The following ACTC1 variants were observed in gnomAD, a reference collection of about 807,000 sequenced individuals.
The protein encoded by ACTC1 is actin, alpha cardiac muscle 1.
A neutral mutation model predicts 31.6 loss-of-function variants in ACTC1; 10 were observed. That is an observed-to-expected ratio of 0.32 (90% CI 0.19 to 0.54). The LOEUF is 0.54. Among genes scored for constraint, ACTC1 ranks in the 20% least tolerant of loss-of-function variants. ACTC1 has a pLI of 0.95. For synonymous variants in ACTC1, 196 were observed against 185.0 expected, an observed-to-expected ratio of 1.06 and a Z score of -0.48; for missense variants, 129 against 506.4, an observed-to-expected ratio of 0.25 and a Z score of 7.15.
intron 6 of ACTC1, 44 bp from the exon 7 acceptor site, chr15:34,790,599 A>G: frequency 6.2e-7 from 1 of 1,611,494 alleles, no homozygotes; most frequent in Non-Finnish European, 8.5e-7. Flanking sequence ...CTGAAGTTCC[A>G]AGCAAGGGAG....
chr15:34,791,715 A>G (rs1271786214), intron 5 of ACTC1: 1 of 349,918 alleles, frequency 2.9e-6, no homozygotes, highest in Non-Finnish European at 5.3e-6. Context: ...GTGCCCAGTT[A>G]TTAATATGAG....
intron 2 of ACTC1, 121 bp downstream of exon 2, chr15:34,794,559 C>T (rs993650153): frequency 7.3e-7 from 1 of 1,372,150 alleles, no homozygotes; most frequent in African/African-American, 1.5e-5. Flanking sequence ...TGAAGTCAAT[C>T]AGCCTTCTCT....
Position 34,793,126 on chromosome 15 carries a change from C to G in ACTC1, c.454+119G>C. 1 of 1,051,664 alleles carries G rather than the reference C, an allele frequency of 9.5e-7. No homozygotes were observed. The highest frequency in any genetic ancestry group is 1.5e-5 in the South Asian group (1 of 68,138). 65.1% of individuals were successfully genotyped at this position (1,051,664 alleles called of 1,614,324 possible). A position where few individuals can be genotyped will look rare whatever the true frequency, so the allele number is the denominator to read the frequency against. On this transcript the variant is annotated intron_variant, in intron 3 of 6. Transcript: ENST00000290378. The surrounding 1 kb of genome is among the most constrained non-coding windows in gnomAD (Gnocchi z 4.8). ...GTTAACTCTTTCTCTTAGCACAGACCTTGCTAGGGAATGGGAGGAAAGGGA... is the reference window on the plus strand; with the variant it reads ...GTTAACTCTTTCTCTTAGCACAGACGTTGCTAGGGAATGGGAGGAAAGGGA...
rs149007948 is a variant in ACTC1 at position 34,793,978 on chromosome 15, G to A, written c.130-409C>T. Among the ~76,000 whole-genome samples, 1 of 152,338 alleles carries A rather than the reference G, an allele frequency of 6.6e-6. No individual in the cohort carries two copies. Among genetic ancestry groups the A allele is most frequent in the African/African-American group, 2.4e-5 (1 of 41,562 alleles). On this transcript the variant is annotated intron_variant, in intron 2 of 6. Transcript: ENST00000290378. The surrounding 1 kb of genome is among the most constrained non-coding windows in gnomAD (Gnocchi z 4.8). ...CTAAGAAAAAGATTTTGACATTCAA[G>A]TGAACACATAATGATGGGCTGATAT...
In ACTC1 at chr15:34,791,138, C is replaced by T; in HGVS notation, c.966G>A (p.Leu322=). 1 of 1,607,096 alleles carries T rather than the reference C, an allele frequency of 6.2e-7. No individual in the cohort carries two copies. Among genetic ancestry groups the T allele is most frequent in the Non-Finnish European group, 8.5e-7 (1 of 1,174,402 alleles). The part of the protein sequence containing the change: ...ADRMQKEITA[L]APSTMKIKII... ...CCTTAATCTTCATGGTGCTAGGAGCCAGAGCAGTGATTTCCTTCTGCATAC... is the reference window on the plus strand; with the variant it reads ...CCTTAATCTTCATGGTGCTAGGAGCTAGAGCAGTGATTTCCTTCTGCATAC... The change falls in exon 6 of 7, where the codon CTG becomes CTA. Residue 322 remains leucine (L), a synonymous_variant. Coordinates refer to ENST00000290378, the MANE Select transcript of ACTC1 (RefSeq NM_005159.5).
Position 34,790,607 on chromosome 15 carries a change from G to A in ACTC1, c.991-52C>T, listed in dbSNP as rs775883084. 30 of 1,607,470 alleles carry A rather than the reference G, an allele frequency of 1.9e-5. No homozygotes were observed. The African/African-American group carries it at 3.5e-4, about 19-fold the overall frequency. Reference sequence around the variant, plus strand: ...GTGAACTCTGAAGTTCCAAGCAAGGGAGCAAATAACACATTGGGAGGATTC... The same window carrying A: ...GTGAACTCTGAAGTTCCAAGCAAGGAAGCAAATAACACATTGGGAGGATTC... On this transcript the variant is annotated intron_variant, in intron 6 of 6. Transcript: ENST00000290378.
In ACTC1 at chr15:34,792,375, C is replaced by T; in HGVS notation, c.616+33G>A. 6.2e-7 allele frequency: 1 copy of T among 1,614,030 alleles called. No individual in the cohort carries two copies. The highest frequency in any genetic ancestry group is 1.3e-5 in the African/African-American group (1 of 74,992). ...TCAGTGAGAGAGGAGGAAAGCAGACCCACACTGTGGCAGATGAGACACACA... is the reference window on the plus strand; with the variant it reads ...TCAGTGAGAGAGGAGGAAAGCAGACTCACACTGTGGCAGATGAGACACACA... On this transcript the variant is annotated intron_variant, in intron 4 of 6. Transcript: ENST00000290378. This position sits in a 1 kb window ranked among gnomAD's most constrained non-coding sequence, Gnocchi z 5.3.
chr15:34,791,307 TCACACACACACACACACACA>T lies in ACTC1; in HGVS notation c.809-32_809-13del, dbSNP rs59431308. 4,916 of 1,298,876 alleles carry T rather than the reference TCACACACACACACACACACA, an allele frequency of 3.8e-3. No homozygotes were observed. The highest frequency in any genetic ancestry group is 4.6e-3 in the Middle Eastern group (22 of 4,766). 80.5% of individuals were successfully genotyped at this position (1,298,876 alleles called of 1,614,324 possible). On this transcript the variant is annotated splice_polypyrimidine_tract_variant and intron_variant, in intron 5 of 6. Transcript: ENST00000290378. ...AGCAGATTCCATACCTGGGAACGAG[TCACACACACACACACACACA>T]CACACACACACACACACACACACAC...
Position 34,792,337 on chromosome 15 carries a change from G to A in ACTC1, c.617-56C>T. ...TCTGAAGCAAGAAGTCAATTATAGG[G>A]AGGTAGGCGGATTCAGTGAGAGAGG... On this transcript the variant is annotated intron_variant, in intron 4 of 6. Transcript: ENST00000290378. The surrounding 1 kb of genome is among the most constrained non-coding windows in gnomAD (Gnocchi z 5.3). The A allele has an allele frequency of 6.2e-7, 1 of 1,613,930 alleles. No individual in the cohort carries two copies. Among genetic ancestry groups the A allele is most frequent in the South Asian group, 1.1e-5 (1 of 91,072 alleles).
chr15:34,791,578 A>G (rs1337718455), intron 5 of ACTC1: 3 of 459,356 alleles, frequency 6.5e-6, no homozygotes, highest in East Asian at 7.3e-5. Flanking sequence ...ATGAAGATGT[A>G]TTGGAAAAGG....
rs1298992263 is a variant in ACTC1, at chr15:34,790,565, G to A, written c.991-10C>T. On this transcript the variant is annotated splice_polypyrimidine_tract_variant and intron_variant, in intron 6 of 6. Transcript: ENST00000290378. The stretch of plus-strand genomic sequence containing the variant: ...CAGGGGGAGCAATAATCTGCAGAAA[G>A]AAAACAAAAACTTCCAGTGAACTCT... 4.3e-6 allele frequency: 7 copies of A among 1,610,254 alleles called. No individual in the cohort carries two copies. Among genetic ancestry groups the A allele is most frequent in the African/African-American group, 1.3e-5 (1 of 74,896 alleles).
chr15:34,791,872 T>C, intron 5 of ACTC1: 1 of 574,694 alleles, frequency 1.7e-6, no homozygotes, highest in East Asian at 3.0e-5. Flanking sequence ...CATCCTTTAT[T>C]TTGAGATGAA....
At chr15:34,791,540 G>C (rs943379390) in intron 5 of ACTC1, among the ~76,000 whole-genome samples, 7 of 152,188 alleles carry the variant, frequency 4.6e-5, no homozygotes, top group African/African-American at 1.7e-4. Flanking sequence ...CCTGTTTCAA[G>C]TAAACACCTC....
chr15:34,791,425 G>C, intron 5 of ACTC1, 130 bp from the exon 6 acceptor site: 1 of 1,284,198 alleles, frequency 7.8e-7, no homozygotes. Flanking sequence ...GTCACCATTT[G>C]TCTCTGAAAC....
rs1891739498 is a variant in ACTC1 at position 34,793,057 on chromosome 15, C to T, written c.454+188G>A. Among the ~76,000 whole-genome samples, 1 of 152,190 alleles carries T rather than the reference C, an allele frequency of 6.6e-6. No individual in the cohort carries two copies. The highest frequency in any genetic ancestry group is 2.1e-4 in the South Asian group (1 of 4,832). ...AGGACCTATCTCCACAAGCTATCAGCTCCAACAATAATTGTGCTCCGAAAC... is the reference window on the plus strand; with the variant it reads ...AGGACCTATCTCCACAAGCTATCAGTTCCAACAATAATTGTGCTCCGAAAC... On this transcript the variant is annotated intron_variant, in intron 3 of 6. Coordinates refer to ENST00000290378, the MANE Select transcript of ACTC1 (RefSeq NM_005159.5). The surrounding 1 kb of genome is among the most constrained non-coding windows in gnomAD (Gnocchi z 4.8).
At chr15:34,794,891 G>A in intron 1 of ACTC1, 61 bp from the exon 2 acceptor site, 2 of 1,364,408 alleles carry the variant, frequency 1.5e-6, no homozygotes, top group East Asian at 3.7e-5. Flanking sequence ...GGCCTTCTCC[G>A]CACCCAGAGG....
chr15:34,791,569 T>C (rs1891709356), intron 5 of ACTC1: 2 of 476,198 alleles, frequency 4.2e-6, no homozygotes, highest in Non-Finnish European at 7.5e-6. Context: ...CTCAGATGTA[T>C]GAAGATGTAT....
rs777284383 is a variant in ACTC1, at chr15:34,794,632, G to A, written c.129+48C>T. 4 of 1,594,356 alleles carry A rather than the reference G, an allele frequency of 2.5e-6. No homozygotes were observed. In the Admixed American group the frequency reaches 5.1e-5, roughly 20 times the overall value. On this transcript the variant is annotated intron_variant, in intron 2 of 6. Coordinates refer to ENST00000290378, the MANE Select transcript of ACTC1 (RefSeq NM_005159.5). ...GGTGAGAGCCATTTCCTAGATCGCT[G>A]GACTGAAGGGGTCCCGAGTGGGACG...
Position 34,791,306 on chromosome 15 carries a change from G to GTC in ACTC1, c.809-13_809-12dup. 1.4e-6 allele frequency: 2 copies of GTC among 1,430,136 alleles called. No homozygotes were observed. The highest frequency in any genetic ancestry group is 1.9e-6 in the Non-Finnish European group (2 of 1,051,420). 88.6% of individuals were successfully genotyped at this position (1,430,136 alleles called of 1,614,324 possible). A position where few individuals can be genotyped will look rare whatever the true frequency, so the allele number is the denominator to read the frequency against. ...CAGCAGATTCCATACCTGGGAACGA[G>GTC]TCACACACACACACACACACACACA... On this transcript the variant is annotated splice_polypyrimidine_tract_variant and intron_variant, in intron 5 of 6. Transcript: ENST00000290378.
Sources: allele counts gnomAD v4.1 joint callset (sites outside exome capture counted in the v4.1 genomes callset), GRCh38; gene constraint gnomAD v4.1.1; non-coding constraint Gnocchi (gnomAD v3.1); transcripts MANE v1.5; gene names NCBI Gene and HGNC (gene_info 2026-07-23, HGNC 2026-07-21).